The following ORMDL1 variants were observed in gnomAD, a reference collection of about 807,000 sequenced individuals.
The protein encoded by ORMDL1 is ORMDL sphingolipid biosynthesis regulator 1, also known as ORM1-like protein 1.
Under a neutral mutation model 13.0 loss-of-function variants are expected in ORMDL1, and 10 were observed. The ratio of observed to expected loss-of-function variants is 0.77; its 90% confidence interval spans 0.47 to 1.30. The LOEUF (loss-of-function observed/expected upper bound fraction) is 1.30. Ranked by LOEUF, ORMDL1 falls within the 50% of genes most tolerant of loss-of-function variation. The pLI is 0.00. For synonymous variants in ORMDL1, 61 were observed against 63.9 expected, an observed-to-expected ratio of 0.95 and a Z score of 0.22; for missense variants, 171 against 186.7, an observed-to-expected ratio of 0.92 and a Z score of 0.49.
At chr2:189,778,054 C>T (rs999157334) in intron 3 of ORMDL1, 3 of 381,150 alleles carry the variant, frequency 7.9e-6, no homozygotes, top group African/African-American at 6.4e-5. Context: ...TGTCAATTAC[C>T]AATCATTTGT....
chr2:189,776,292 G>A (rs982093172), intron 3 of ORMDL1, among the ~76,000 whole-genome samples: 2 of 151,908 alleles, frequency 1.3e-5, no homozygotes, highest in East Asian at 1.9e-4. Context: ...TTTTTAAATC[G>A]CTATTGTGCC....
downstream of ORMDL1, among the ~76,000 whole-genome samples, chr2:189,769,242 C>T (rs1185687294): frequency 1.3e-5 from 2 of 152,026 alleles, no homozygotes. Flanking sequence ...ACAAAATTAG[C>T]TGGGCATGGT....
At chr2:189,783,975 C>G (rs1160367919) in intron 1 of ORMDL1, 1 of 152,274 alleles carries the variant, frequency 6.6e-6, no homozygotes, top group African/African-American at 2.4e-5. Flanking sequence ...ACCGACAGCC[C>G]GAGCGCTCTG....
intron 4 of ORMDL1, among the ~76,000 whole-genome samples, chr2:189,773,107 C>A (rs1005900739): frequency 6.6e-6 from 1 of 152,220 alleles, no homozygotes; most frequent in Non-Finnish European, 1.5e-5. Context: ...CAGGTTGAAT[C>A]TATAATCTGA....
Position 189,775,443 on chromosome 2 carries a change from C to T in ORMDL1, c.326+122G>A, listed in dbSNP as rs1238739802. ...TTTTGTCTATATTTTATGTTCTATC[C>T]GAGGTGCTACTTATTGATAGAAGTT... On this transcript the variant is annotated intron_variant, in intron 4 of 4. Coordinates refer to ENST00000392349, the MANE Select transcript of ORMDL1 (RefSeq NM_016467.5). 15 of 1,052,450 alleles carry T rather than the reference C, an allele frequency of 1.4e-5. No individual in the cohort carries two copies. In the East Asian group the frequency reaches 1.6e-4, roughly 11 times the overall value. 65.2% of individuals were successfully genotyped at this position (1,052,450 alleles called of 1,614,324 possible).
rs2047580160 is a variant in ORMDL1 at position 189,771,575 on chromosome 2, C to T, written c.*192G>A. 4.3e-6 allele frequency: 2 copies of T among 462,438 alleles called. No homozygotes were observed. The highest frequency in any genetic ancestry group is 4.2e-5 in the Admixed American group (1 of 23,868). The allele number at this position is 462,438 out of a possible 1,614,324, so 28.6% of individuals were successfully genotyped here. A position where few individuals can be genotyped will look rare whatever the true frequency, so the allele number is the denominator to read the frequency against. ...ATAAAGCCCCTCTTCAGAAATGTAC[C>T]AGGTGTATTAAACAGAGGCATCATT... is the stretch of plus-strand genomic sequence containing the variant. On this transcript the variant is annotated 3_prime_UTR_variant, in exon 5 of 5. Coordinates refer to ENST00000392349, the MANE Select transcript of ORMDL1 (RefSeq NM_016467.5).
chr2:189,766,544 A>G (rs1400257161), downstream of ORMDL1, among the ~76,000 whole-genome samples: 2 of 152,090 alleles, frequency 1.3e-5, no homozygotes, highest in African/African-American at 2.4e-5. Context: ...CCTGGCCAAC[A>G]TGATGGCCAT....
downstream of ORMDL1, among the ~76,000 whole-genome samples, chr2:189,769,642 G>A (rs1238128533): frequency 1.3e-5 from 2 of 152,064 alleles, no homozygotes; most frequent in Non-Finnish European, 2.9e-5. Flanking sequence ...AGGACAATTT[G>A]AGCAACAAAT....
At chr2:189,769,786 CAG>C (rs374419376), downstream of ORMDL1, among the ~76,000 whole-genome samples, 1 of 152,080 alleles carries the variant, frequency 6.6e-6, no homozygotes, top group African/African-American at 2.4e-5. Context: ...ATAAGGGAAA[CAG>C]AAAATCATCA....
chr2:189,768,004 AT>A (rs1159676811), downstream of ORMDL1, among the ~76,000 whole-genome samples: 3 of 152,248 alleles, frequency 2.0e-5, no homozygotes, highest in Non-Finnish European at 4.4e-5. Flanking sequence ...TATAATTCTC[AT>A]GCATTCATTT....
At chr2:189,774,711 TTTTA>T (rs945021428) in intron 4 of ORMDL1, 1 of 152,220 alleles carries the variant, frequency 6.6e-6, no homozygotes, top group South Asian at 2.1e-4. Context: ...ATATACATTT[TTTTA>T]TTTGTCAATT....
At chr2:189,781,071 T>C (rs1046779055) in intron 3 of ORMDL1, among the ~76,000 whole-genome samples, 2 of 152,020 alleles carry the variant, frequency 1.3e-5, no homozygotes, top group Non-Finnish European at 2.9e-5. Context: ...GCTGCCACCA[T>C]GCCAGGCTAA....
intron 3 of ORMDL1, among the ~76,000 whole-genome samples, chr2:189,781,043 A>T (rs1165970552): frequency 6.6e-6 from 1 of 152,054 alleles, no homozygotes; most frequent in Non-Finnish European, 1.5e-5. Context: ...CCTCCCGAAT[A>T]GCTGGGACTA....
At chr2:189,769,917 A>T (rs1227445721), downstream of ORMDL1, among the ~76,000 whole-genome samples, 1 of 152,198 alleles carries the variant, frequency 6.6e-6, no homozygotes, top group East Asian at 1.9e-4. Flanking sequence ...ACTTGAAGTC[A>T]GGAGCATTTA....
At chr2:189,781,459 G>C (rs1396085039) in intron 3 of ORMDL1, among the ~76,000 whole-genome samples, 1 of 151,930 alleles carries the variant, frequency 6.6e-6, no homozygotes, top group Non-Finnish European at 1.5e-5. Context: ...GCATAATATG[G>C]TCAGTACAGT....
At chr2:189,769,430 T>C (rs12990184), downstream of ORMDL1, among the ~76,000 whole-genome samples, 2,518 of 151,880 alleles carry the variant, frequency 0.017, 36 homozygotes, top group Middle Eastern at 0.041. Flanking sequence ...TTGAATTACA[T>C]GGTGTCTAAG....
chr2:189,782,126 A>G (rs1025223944), intron 3 of ORMDL1, among the ~76,000 whole-genome samples: 6 of 152,218 alleles, frequency 3.9e-5, no homozygotes, highest in Non-Finnish European at 5.9e-5. Flanking sequence ...TATTTTTAGT[A>G]GAGATGAGGT....
At chr2:189,768,648 A>G (rs1405260552), downstream of ORMDL1, among the ~76,000 whole-genome samples, 2 of 152,232 alleles carry the variant, frequency 1.3e-5, no homozygotes, top group African/African-American at 4.8e-5. Flanking sequence ...TTAGTGACAT[A>G]AAGTGAATCA....
At chr2:189,779,258 C>T (rs1327027434) in intron 3 of ORMDL1, among the ~76,000 whole-genome samples, 1 of 152,134 alleles carries the variant, frequency 6.6e-6, no homozygotes, top group East Asian at 1.9e-4. Flanking sequence ...AGAAGGACTG[C>T]TTGAGGCCAG....
Sources: gnomAD v4.1 joint callset for allele counts (sites outside exome capture counted in the v4.1 genomes callset) on GRCh38, gnomAD v4.1.1 for gene constraint, MANE v1.5 for transcripts, NCBI Gene and HGNC (gene_info 2026-07-23, HGNC 2026-07-21) for gene names.